Variants in POFUT3 observed in about 807,000 individuals in gnomAD.
POFUT3 encodes the protein protein O-fucosyltransferase 3.
the POFUT3 span, among the ~76,000 whole-genome samples, chr8:33,367,906 G>A: frequency 1.3e-5 from 2 of 151,682 alleles, no homozygotes. Flanking sequence ...TTTTAATTTA[G>A]AAGCTTAAAT....
At chr8:33,412,578 G>A in the POFUT3 span, among the ~76,000 whole-genome samples, 3 of 152,092 alleles carry the variant, frequency 2.0e-5, no homozygotes, top group Non-Finnish European at 4.4e-5. Context: ...TTATTCAAGC[G>A]AAAAGCTCTC....
the POFUT3 span, among the ~76,000 whole-genome samples, chr8:33,340,603 C>A: frequency 1.3e-5 from 2 of 151,778 alleles, no homozygotes; most frequent in Non-Finnish European, 2.9e-5. Flanking sequence ...AAAGATATAT[C>A]ATTTAAACAT....
At chr8:33,379,993 A>C in the POFUT3 span, among the ~76,000 whole-genome samples, 109 of 71,322 alleles carry the variant, frequency 1.5e-3, 3 homozygotes, top group South Asian at 5.2e-3. Context: ...TATATATAGT[A>C]TATATATATA....
the POFUT3 span, among the ~76,000 whole-genome samples, chr8:33,427,942 T>C: frequency 1.3e-5 from 2 of 152,172 alleles, no homozygotes; most frequent in East Asian, 3.9e-4. Flanking sequence ...CTGGCCAACA[T>C]GGTGAAACCC....
the POFUT3 span, among the ~76,000 whole-genome samples, chr8:33,413,552 T>C: frequency 1.3e-5 from 2 of 152,274 alleles, no homozygotes; most frequent in African/African-American, 2.4e-5. Context: ...CTGGAGTAAC[T>C]TGTTATAGCA....
At chr8:33,384,585 C>T in the POFUT3 span, among the ~76,000 whole-genome samples, 2 of 151,978 alleles carry the variant, frequency 1.3e-5, no homozygotes, top group Admixed American at 6.6e-5. Context: ...TATGGGAGGC[C>T]GAGGTGGGTG....
At chr8:33,426,465 A>C in the POFUT3 span, among the ~76,000 whole-genome samples, 2 of 152,222 alleles carry the variant, frequency 1.3e-5, no homozygotes, top group Non-Finnish European at 2.9e-5. Flanking sequence ...AGCTGTAGGA[A>C]AAAGTAATTG....
chr8:33,342,058 TAGTCCC>T, the POFUT3 span, among the ~76,000 whole-genome samples: 1 of 152,134 alleles, frequency 6.6e-6, no homozygotes, highest in Non-Finnish European at 1.5e-5. Flanking sequence ...CATGTCCCTG[TAGTCCC>T]AGCTACTTGG....
chr8:33,329,286 T>C, the POFUT3 span, among the ~76,000 whole-genome samples: 4 of 152,196 alleles, frequency 2.6e-5, no homozygotes, highest in Non-Finnish European at 4.4e-5. Flanking sequence ...TGGGCATACT[T>C]ATCTATGGGA....
the POFUT3 span, among the ~76,000 whole-genome samples, chr8:33,331,547 G>A: frequency 6.6e-6 from 1 of 152,032 alleles, no homozygotes; most frequent in Non-Finnish European, 1.5e-5. Context: ...TATTACCGGG[G>A]GCAGTGGCTC....
the POFUT3 span, among the ~76,000 whole-genome samples, chr8:33,447,308 G>A: frequency 6.6e-6 from 1 of 152,150 alleles, no homozygotes; most frequent in Non-Finnish European, 1.5e-5. Flanking sequence ...AATTAGCCAA[G>A]TGTGGTGGCG....
chr8:33,316,738 T>A, the POFUT3 span, among the ~76,000 whole-genome samples: 1 of 117,344 alleles, frequency 8.5e-6, no homozygotes, highest in African/African-American at 3.9e-5. Flanking sequence ...TGAGACTCTG[T>A]CTCAAAAAAA....
the POFUT3 span, among the ~76,000 whole-genome samples, chr8:33,427,356 T>C: frequency 2.6e-5 from 4 of 151,960 alleles, no homozygotes; most frequent in African/African-American, 9.7e-5. Flanking sequence ...GGCGGGCAGA[T>C]CATCTGAGGT....
At chr8:33,430,779 T>C in the POFUT3 span, among the ~76,000 whole-genome samples, 1 of 152,134 alleles carries the variant, frequency 6.6e-6, no homozygotes, top group African/African-American at 2.4e-5. Flanking sequence ...CAGCTAATTC[T>C]GTATTTTTAG....
chr8:33,397,395 T>C, the POFUT3 span, among the ~76,000 whole-genome samples: 569 of 152,316 alleles, frequency 3.7e-3, 3 homozygotes, highest in African/African-American at 0.013. Context: ...AAGAACTCTC[T>C]AGCCAGCACT....
chr8:33,339,504 C>T, the POFUT3 span, among the ~76,000 whole-genome samples: 3 of 152,028 alleles, frequency 2.0e-5, no homozygotes, highest in African/African-American at 7.2e-5. Context: ...GAAAATGGGG[C>T]TAAAAAGTAC....
the POFUT3 span, chr8:33,461,662 G>A: frequency 6.6e-7 from 1 of 1,515,568 alleles, no homozygotes; most frequent in East Asian, 2.5e-5. Context: ...GCAGCATGCA[G>A]TCTTCTTAGG....
the POFUT3 span, among the ~76,000 whole-genome samples, chr8:33,326,952 T>A: frequency 0.27 from 40,682 of 152,108 alleles, 5,869 homozygotes; most frequent in South Asian, 0.5. Context: ...TTTTATAAAA[T>A]GTTTTGTAGA....
At chr8:33,365,103 C>T in the POFUT3 span, among the ~76,000 whole-genome samples, 1 of 152,094 alleles carries the variant, frequency 6.6e-6, no homozygotes, top group Non-Finnish European at 1.5e-5. Flanking sequence ...GAAATAACAC[C>T]ACACATCTAC....
Sources: gnomAD v4.1 joint callset for allele counts (sites outside exome capture counted in the v4.1 genomes callset) on GRCh38, gnomAD v4.1.1 for gene constraint, MANE v1.5 for transcripts, NCBI Gene and HGNC (gene_info 2026-07-23, HGNC 2026-07-21) for gene names.